Variants in KHDRBS2 observed in about 807,000 individuals in gnomAD.
KHDRBS2 encodes KH domain-containing, RNA-binding, signal transduction-associated protein 2.
Under a neutral mutation model 44.3 loss-of-function variants are expected in KHDRBS2, and 26 were observed. That is an observed-to-expected ratio of 0.59 (90% CI 0.43 to 0.81). The LOEUF (loss-of-function observed/expected upper bound fraction) is 0.81, where lower values mean the gene tolerates loss of function less well. Among genes scored for constraint, KHDRBS2 ranks in the 40% least tolerant of loss-of-function variants. The pLI is 0.00. For missense variants in KHDRBS2, 476 were observed against 433.1 expected (o/e 1.10, Z -0.88); for synonymous variants, 194 against 151.1 (o/e 1.28, Z -2.08).
At chr6:61,662,208 A>T in the KHDRBS2 span, among the ~76,000 whole-genome samples, 1 of 152,162 alleles carries the variant, frequency 6.6e-6, no homozygotes, top group Non-Finnish European at 1.5e-5. Context: ...TAGAAAGCTG[A>T]AACTGGACCC....
At chr6:62,021,828 CT>C (rs1240509578) in intron 3 of KHDRBS2, among the ~76,000 whole-genome samples, 1 of 151,304 alleles carries the variant, frequency 6.6e-6, no homozygotes, top group Non-Finnish European at 1.5e-5. Context: ...TTTCTACTGA[CT>C]TTAGAGACTA....
At chr6:61,637,507 T>C in the KHDRBS2 span, among the ~76,000 whole-genome samples, 1 of 152,142 alleles carries the variant, frequency 6.6e-6, no homozygotes, top group Non-Finnish European at 1.5e-5. Flanking sequence ...TGTGCGTGTG[T>C]CTTTATAGCA....
At chr6:61,766,082 A>T (rs1313027672) in intron 6 of KHDRBS2, among the ~76,000 whole-genome samples, 1 of 150,704 alleles carries the variant, frequency 6.6e-6, no homozygotes, top group African/African-American at 2.4e-5. Context: ...GTTTGGTAAA[A>T]TTCAGCAGTG....
chr6:61,737,487 T>A (rs1775544967), intron 6 of KHDRBS2, among the ~76,000 whole-genome samples: 1 of 152,058 alleles, frequency 6.6e-6, no homozygotes, highest in Non-Finnish European at 1.5e-5. Context: ...TAGACAACCG[T>A]CACAAAATGA....
At chr6:62,224,836 T>C (rs139739221) in intron 1 of KHDRBS2, among the ~76,000 whole-genome samples, 40 of 152,308 alleles carry the variant, frequency 2.6e-4, no homozygotes, top group Admixed American at 1.2e-3. Context: ...AATAAAGTGA[T>C]AGCTCACTAT....
intron 6 of KHDRBS2, among the ~76,000 whole-genome samples, chr6:61,763,103 C>T (rs1779512178): frequency 6.6e-6 from 1 of 152,116 alleles, no homozygotes; most frequent in Non-Finnish European, 1.5e-5. Context: ...TGCCCAATTC[C>T]CATCATATGT....
chr6:61,820,452 A>T (rs1789719403), intron 6 of KHDRBS2, among the ~76,000 whole-genome samples: 1 of 152,028 alleles, frequency 6.6e-6, no homozygotes, highest in Non-Finnish European at 1.5e-5. Context: ...GATGAAGAAT[A>T]TTCAAGAAAA....
chr6:61,741,316 T>C (rs1458480428), intron 6 of KHDRBS2, among the ~76,000 whole-genome samples: 1 of 151,936 alleles, frequency 6.6e-6, no homozygotes, highest in Non-Finnish European at 1.5e-5. Flanking sequence ...AGTACTAGTT[T>C]ATGGAGCCTA....
chr6:61,694,212 C>T (rs1767661131), intron 8 of KHDRBS2, among the ~76,000 whole-genome samples: 1 of 152,150 alleles, frequency 6.6e-6, no homozygotes, highest in Admixed American at 6.6e-5. Context: ...AGAGATTGTT[C>T]ACTACAACAT....
At chr6:61,563,791 A>G in the KHDRBS2 span, among the ~76,000 whole-genome samples, 23 of 152,256 alleles carry the variant, frequency 1.5e-4, no homozygotes, top group East Asian at 4.1e-3. Flanking sequence ...TTATACAGCG[A>G]CGTTAGAGCC....
chr6:61,681,077 G>A lies in KHDRBS2; in HGVS notation c.953-17C>T. 1.3e-6 allele frequency: 2 copies of A among 1,555,680 alleles called. No homozygotes were observed. Among genetic ancestry groups the A allele is most frequent in the Non-Finnish European group, 1.8e-6 (2 of 1,128,210 alleles). ...CTTCTGGTGCTGTGAAAAAGAGAAA[G>A]ATAGTAACACACACATGACTTCACA... On this transcript the variant is annotated splice_polypyrimidine_tract_variant and intron_variant, in intron 8 of 8. Transcript: ENST00000281156.
At chr6:62,105,473 C>CA (rs1802980274) in intron 2 of KHDRBS2, among the ~76,000 whole-genome samples, 1 of 152,114 alleles carries the variant, frequency 6.6e-6, no homozygotes. Flanking sequence ...TTGGTCTATT[C>CA]AGAGATTCAA....
intron 4 of KHDRBS2, among the ~76,000 whole-genome samples, chr6:61,928,719 T>C (rs1464168757): frequency 1.3e-5 from 2 of 152,082 alleles, no homozygotes; most frequent in Non-Finnish European, 2.9e-5. Flanking sequence ...GATAGAACAA[T>C]TATTCATATA....
At chr6:61,715,194 C>T (rs543784470) in intron 7 of KHDRBS2, among the ~76,000 whole-genome samples, 2 of 151,672 alleles carry the variant, frequency 1.3e-5, no homozygotes, top group South Asian at 4.2e-4. Flanking sequence ...AAACAACGAA[C>T]GCATAGAAAT....
intron 5 of KHDRBS2, among the ~76,000 whole-genome samples, chr6:61,899,052 C>A (rs1803456009): frequency 6.6e-6 from 1 of 151,710 alleles, no homozygotes; most frequent in African/African-American, 2.4e-5. Context: ...TTATTATTTT[C>A]TTTTATAACA....
the KHDRBS2 span, among the ~76,000 whole-genome samples, chr6:61,575,697 C>T: frequency 5.3e-5 from 8 of 152,072 alleles, no homozygotes; most frequent in Non-Finnish European, 1.0e-4. Flanking sequence ...AAATATGGAA[C>T]CAGCCTAAAT....
intron 6 of KHDRBS2, among the ~76,000 whole-genome samples, chr6:61,777,828 TA>T (rs1259112491): frequency 2.6e-5 from 4 of 152,132 alleles, no homozygotes; most frequent in African/African-American, 9.7e-5. Context: ...AGATTTTATT[TA>T]TTTATTTATT....
chr6:61,771,135 C>G (rs992782793), intron 6 of KHDRBS2, among the ~76,000 whole-genome samples: 1 of 151,352 alleles, frequency 6.6e-6, no homozygotes, highest in African/African-American at 2.4e-5. Context: ...GAAGCAAATG[C>G]TGAGAGATTT....
chr6:61,959,307 T>C (rs1473033251), intron 4 of KHDRBS2, among the ~76,000 whole-genome samples: 1 of 152,180 alleles, frequency 6.6e-6, no homozygotes, highest in Non-Finnish European at 1.5e-5. Flanking sequence ...TGGTAGCTCT[T>C]AATAAAGTCA....
Sources: gnomAD v4.1 joint callset for allele counts (sites outside exome capture counted in the v4.1 genomes callset) on GRCh38, gnomAD v4.1.1 for gene constraint, MANE v1.5 for transcripts, NCBI Gene and HGNC (gene_info 2026-07-23, HGNC 2026-07-21) for gene names.